The following SYN3 variants were observed in gnomAD, a reference collection of about 807,000 sequenced individuals.
The protein encoded by SYN3 is synapsin-3.
A neutral mutation model predicts 65.8 loss-of-function variants in SYN3; 35 were observed. The ratio of observed to expected loss-of-function variants is 0.53; its 90% CI spans 0.41 to 0.70. The LOEUF (loss-of-function observed/expected upper bound fraction) is 0.70. SYN3 is among the 30% of genes least tolerant of loss of function. The probability of loss-of-function intolerance (pLI) is 0.00; values close to 1 mark genes in which losing one functional copy is unlikely to be tolerated. For synonymous variants in SYN3, 270 were observed against 292.9 expected, an observed-to-expected ratio of 0.92 and a Z score of 0.80; for missense variants, 680 against 749.0, an observed-to-expected ratio of 0.91 and a Z score of 1.08.
intron 6 of SYN3, among the ~76,000 whole-genome samples, chr22:32,653,696 G>A (rs981575419): frequency 1.3e-5 from 2 of 152,172 alleles, no homozygotes; most frequent in African/African-American, 2.4e-5. Context: ...AAGACAGTGT[G>A]TTGAGTTAAC....
chr22:32,968,274 T>C (rs566327212), intron 3 of SYN3, among the ~76,000 whole-genome samples: 1 of 152,328 alleles, frequency 6.6e-6, no homozygotes. Flanking sequence ...TTAACACTTA[T>C]GAAGTCCCTT....
At chr22:32,967,853 A>T in intron 3 of SYN3, among the ~76,000 whole-genome samples, 1 of 152,242 alleles carries the variant, frequency 6.6e-6, no homozygotes, top group East Asian at 1.9e-4. Context: ...CCAGACCCCA[A>T]ATGGTACAGA....
At chr22:32,903,748 T>C (rs571648938) in intron 4 of SYN3, among the ~76,000 whole-genome samples, 1 of 152,346 alleles carries the variant, frequency 6.6e-6, no homozygotes, top group East Asian at 1.9e-4. Context: ...ACCCTTCCTG[T>C]GTTCCAGCTC....
chr22:32,680,751 G>A (rs2060511884), intron 6 of SYN3, among the ~76,000 whole-genome samples: 1 of 152,152 alleles, frequency 6.6e-6, no homozygotes, highest in Non-Finnish European at 1.5e-5. Context: ...TCTCTTTTAT[G>A]TTCATGGCAT....
At chr22:32,802,192 G>C in intron 6 of SYN3, 4 of 1,525,310 alleles carry the variant, frequency 2.6e-6, no homozygotes, top group Non-Finnish European at 3.5e-6. Flanking sequence ...TAGGGAGGCA[G>C]GGCGAGCCCC....
intron 6 of SYN3, among the ~76,000 whole-genome samples, chr22:32,675,928 A>T (rs2060433940): frequency 6.6e-6 from 1 of 152,136 alleles, no homozygotes; most frequent in Admixed American, 6.5e-5. Context: ...TTGTTGTTGC[A>T]TGAGGACCAC....
At chr22:32,601,520 AC>A (rs1320063102) in intron 6 of SYN3, among the ~76,000 whole-genome samples, 1 of 152,126 alleles carries the variant, frequency 6.6e-6, no homozygotes, top group Non-Finnish European at 1.5e-5. Flanking sequence ...CTCGTGATCC[AC>A]CCGCCTTGGC....
chr22:33,007,014 G>T (rs796947931), intron 1 of SYN3, among the ~76,000 whole-genome samples, 190 bp from the exon 2 acceptor site: 3 of 152,228 alleles, frequency 2.0e-5, no homozygotes, highest in African/African-American at 7.2e-5. Context: ...GAATTATATC[G>T]CAAAGAAAGA....
intron 1 of SYN3, among the ~76,000 whole-genome samples, chr22:33,019,884 C>T (rs5998696): frequency 0.16 from 24,246 of 152,190 alleles, 2,263 homozygotes; most frequent in Non-Finnish European, 0.21. Flanking sequence ...TGAGCCACCA[C>T]GCCCAGCCCC....
intron 3 of SYN3, among the ~76,000 whole-genome samples, chr22:32,971,155 A>C (rs1357458829): frequency 1.3e-5 from 2 of 152,212 alleles, no homozygotes; most frequent in Non-Finnish European, 2.9e-5. Flanking sequence ...TTTTCTGTAG[A>C]GTTCTTAAGT....
At chr22:32,846,538 C>T (rs549166996) in intron 6 of SYN3, among the ~76,000 whole-genome samples, 101 of 152,156 alleles carry the variant, frequency 6.6e-4, no homozygotes, top group Non-Finnish European at 1.1e-3. Context: ...TATATTAATA[C>T]GACCCTCACA....
intron 6 of SYN3, among the ~76,000 whole-genome samples, chr22:32,658,415 G>T (rs1427106693): frequency 6.6e-6 from 1 of 152,194 alleles, no homozygotes; most frequent in Non-Finnish European, 1.5e-5. Context: ...GAGAGGCAGG[G>T]GTCCTCCTGG....
chr22:32,516,620 C>T (rs762331809), intron 13 of SYN3, among the ~76,000 whole-genome samples: 2 of 152,182 alleles, frequency 1.3e-5, no homozygotes, highest in Non-Finnish European at 2.9e-5. Context: ...CCCACCTTGG[C>T]CTCCCAAAGT....
At chr22:32,987,565 A>C (rs1226987131) in intron 2 of SYN3, among the ~76,000 whole-genome samples, 1 of 152,162 alleles carries the variant, frequency 6.6e-6, no homozygotes, top group African/African-American at 2.4e-5. Flanking sequence ...TGAACTAGGA[A>C]GGGAAGGAAT....
intron 1 of SYN3, among the ~76,000 whole-genome samples, chr22:33,039,053 C>G (rs1253631287): frequency 2.6e-5 from 4 of 152,190 alleles, no homozygotes; most frequent in Admixed American, 2.6e-4. Context: ...CTTTGAGATG[C>G]CTCCATCTGA....
At chr22:32,817,027 G>A (rs527856644) in intron 6 of SYN3, among the ~76,000 whole-genome samples, 40 of 151,642 alleles carry the variant, frequency 2.6e-4, no homozygotes, top group African/African-American at 9.7e-4. Context: ...AGACCAGTCT[G>A]GGTCACATAG....
At chr22:32,771,853 C>T (rs774674670) in intron 6 of SYN3, among the ~76,000 whole-genome samples, 7 of 152,186 alleles carry the variant, frequency 4.6e-5, no homozygotes, top group African/African-American at 1.7e-4. Flanking sequence ...AAGGAAGACA[C>T]TCAGAAACGA....
At chr22:32,654,575 A>G (rs1487888935) in intron 6 of SYN3, among the ~76,000 whole-genome samples, 1 of 151,956 alleles carries the variant, frequency 6.6e-6, no homozygotes, top group South Asian at 2.1e-4. Context: ...TCTTGGAGGT[A>G]CTTCTGTCTC....
intron 6 of SYN3, among the ~76,000 whole-genome samples, chr22:32,672,781 G>A (rs1281132650): frequency 1.3e-5 from 2 of 152,200 alleles, no homozygotes; most frequent in African/African-American, 4.8e-5. Context: ...AAACTGGGTG[G>A]GGCCTGGGGA....
Sources: allele counts gnomAD v4.1 joint callset (sites outside exome capture counted in the v4.1 genomes callset), GRCh38; gene constraint gnomAD v4.1.1; transcripts MANE v1.5; gene names NCBI Gene and HGNC (gene_info 2026-07-23, HGNC 2026-07-21).